The following CCDC148 variants were observed in gnomAD, a reference collection of about 807,000 sequenced individuals.
CCDC148 encodes the protein coiled-coil domain-containing protein 148.
In CCDC148, 89 loss-of-function variants were observed where a neutral mutation model predicts 85.7. That is an observed-to-expected ratio of 1.04 (90% CI 0.87 to 1.24). CCDC148 has a LOEUF of 1.24. CCDC148 is among the 50% of genes most tolerant of loss of function. The pLI is 0.00. For missense variants in CCDC148, 692 were observed against 671.7 expected (o/e 1.03, Z -0.33); for synonymous variants, 230 against 213.9 (o/e 1.08, Z -0.66).
intron 3 of CCDC148, among the ~76,000 whole-genome samples, chr2:158,342,242 C>G (rs977079626): frequency 1.2e-4 from 18 of 151,972 alleles, no homozygotes; most frequent in African/African-American, 4.3e-4. Flanking sequence ...GTTGGCTAGG[C>G]TAGTCTCAAA....
intron 11 of CCDC148, among the ~76,000 whole-genome samples, chr2:158,191,352 G>A (rs746346830): frequency 8.6e-5 from 13 of 151,860 alleles, no homozygotes; most frequent in Admixed American, 6.6e-5. Context: ...TGATTCAGCC[G>A]CCCACAGCAA....
intron 2 of CCDC148, among the ~76,000 whole-genome samples, chr2:158,350,667 T>A (rs968942034): frequency 6.6e-6 from 1 of 152,110 alleles, no homozygotes; most frequent in African/African-American, 2.4e-5. Flanking sequence ...TATCTAAAAA[T>A]TGGGGTGGGA....
intron 10 of CCDC148, among the ~76,000 whole-genome samples, chr2:158,249,355 G>A (rs1521865): frequency 0.33 from 50,546 of 151,886 alleles, 10,052 homozygotes; most frequent in South Asian, 0.59. Context: ...GTAAATAATT[G>A]GTAAGTTCCC....
rs1684604378 is a variant in CCDC148, at chr2:158,176,669, T to G, written c.1489-8A>C. ...TTGAGCAACAACAGCAACCTAAAAA[T>G]GAGAAAGCATGGCTACTTGGAACAA... is the stretch of plus-strand genomic sequence containing the variant. On this transcript the variant is annotated splice_polypyrimidine_tract_variant and splice_region_variant and intron_variant, in intron 12 of 13. Coordinates refer to ENST00000283233, the MANE Select transcript of CCDC148 (RefSeq NM_138803.4). 1 of 1,611,140 alleles carries G rather than the reference T, an allele frequency of 6.2e-7. No homozygotes were observed. The highest frequency in any genetic ancestry group is 1.1e-5 in the South Asian group (1 of 90,924).
At chr2:158,245,317 T>C (rs1395582990) in intron 10 of CCDC148, among the ~76,000 whole-genome samples, 1 of 152,178 alleles carries the variant, frequency 6.6e-6, no homozygotes, top group East Asian at 1.9e-4. Flanking sequence ...AAGCCATGTC[T>C]TTTGGTATTT....
intron 1 of CCDC148, among the ~76,000 whole-genome samples, chr2:158,367,528 C>T (rs1438594444): frequency 1.3e-5 from 2 of 152,154 alleles, no homozygotes; most frequent in African/African-American, 4.8e-5. Context: ...CTTTTGGCTA[C>T]CTTGGTCTAA....
At position 158,338,733 on chromosome 2, in the gene CCDC148, T is replaced by G. The variant is rs927634236; in HGVS notation, c.757A>C (p.Ile253Leu). Residue 253 changes from isoleucine (I) to leucine (L), a missense_variant, in exon 7 of 14, where the codon ATA (isoleucine) becomes CTA (leucine). Ile to Leu is a conservative substitution (Grantham distance 5, BLOSUM62 2). Coordinates refer to ENST00000283233, the MANE Select transcript of CCDC148 (RefSeq NM_138803.4). ...TCAGTTTTATCTTATCACCTGTATA[T>G]GTCTTCCAACTGCAGATTAAAGTCT... ...LQDFNLQLED[I>L]YRNCQLSEED... is the part of the protein sequence containing the mutation. The G allele has an allele frequency of 2.6e-5, 42 of 1,603,754 alleles. No homozygotes were observed. Among genetic ancestry groups the G allele is most frequent in the Non-Finnish European group, 3.5e-5 (41 of 1,177,164 alleles).
chr2:158,230,725 C>G (rs2105312476), intron 10 of CCDC148, among the ~76,000 whole-genome samples: 1 of 152,258 alleles, frequency 6.6e-6, no homozygotes, highest in African/African-American at 2.4e-5. Context: ...AGCTAAGGAA[C>G]AACAGGGAGA....
At chr2:158,277,293 A>G (rs2105169281) in intron 9 of CCDC148, among the ~76,000 whole-genome samples, 1 of 152,312 alleles carries the variant, frequency 6.6e-6, no homozygotes, top group South Asian at 2.1e-4. Flanking sequence ...TGGCTATTTC[A>G]TGCAAAAAGT....
At chr2:158,319,599 G>A (rs1455059199) in intron 7 of CCDC148, among the ~76,000 whole-genome samples, 1 of 152,176 alleles carries the variant, frequency 6.6e-6, no homozygotes, top group Non-Finnish European at 1.5e-5. Context: ...TCTACCTCTA[G>A]ACTTCTTGTT....
At chr2:158,331,161 C>T (rs969969856) in intron 7 of CCDC148, among the ~76,000 whole-genome samples, 1 of 152,152 alleles carries the variant, frequency 6.6e-6, no homozygotes, top group Non-Finnish European at 1.5e-5. Context: ...TATAAATTTT[C>T]CTCTACACAC....
At chr2:158,222,872 C>A (rs1687262951) in intron 10 of CCDC148, among the ~76,000 whole-genome samples, 1 of 152,174 alleles carries the variant, frequency 6.6e-6, no homozygotes. Context: ...CAGCTCCAGT[C>A]TACAGCTCCC....
intron 1 of CCDC148, among the ~76,000 whole-genome samples, chr2:158,377,006 C>CG (rs1426820589): frequency 6.6e-6 from 1 of 151,922 alleles, no homozygotes; most frequent in African/African-American, 2.4e-5. Context: ...ATGGGGAGTG[C>CG]TCATAAGTCA....
intron 2 of CCDC148, among the ~76,000 whole-genome samples, chr2:158,348,659 G>A (rs1683114008): frequency 6.6e-6 from 1 of 151,918 alleles, no homozygotes; most frequent in African/African-American, 2.4e-5. Context: ...TATGATGTCT[G>A]TGATTTGCTT....
intron 1 of CCDC148, chr2:158,366,151 T>C (rs1684194493): frequency 8.7e-7 from 1 of 1,149,706 alleles, no homozygotes; most frequent in Non-Finnish European, 1.2e-6. Context: ...TTACTTGAAG[T>C]ATTTTTAAAA....
At chr2:158,178,796 G>A in intron 12 of CCDC148, 83 bp downstream of exon 12, 1 of 909,512 alleles carries the variant, frequency 1.1e-6, no homozygotes, top group Non-Finnish European at 1.8e-6. Context: ...CATGAACTAA[G>A]CCCCAGTAAG....
At chr2:158,245,098 T>C (rs1688515835) in intron 10 of CCDC148, among the ~76,000 whole-genome samples, 1 of 152,188 alleles carries the variant, frequency 6.6e-6, no homozygotes, top group Non-Finnish European at 1.5e-5. Flanking sequence ...GGGGAGGTAC[T>C]CTGAATTCTC....
At chr2:158,362,081 G>T (rs750673978) in intron 1 of CCDC148, among the ~76,000 whole-genome samples, 3 of 151,458 alleles carry the variant, frequency 2.0e-5, no homozygotes, top group African/African-American at 7.3e-5. Context: ...AAGAGACAAG[G>T]TCATTACATA....
chr2:158,288,949 T>A (rs905655106), intron 9 of CCDC148: 1 of 251,694 alleles, frequency 4.0e-6, no homozygotes, highest in Non-Finnish European at 7.8e-6. Context: ...AAGAGAAAAA[T>A]GAGGTGGAAG....
Sources: allele counts gnomAD v4.1 joint callset (sites outside exome capture counted in the v4.1 genomes callset), GRCh38; gene constraint gnomAD v4.1.1; transcripts MANE v1.5; gene names NCBI Gene and HGNC (gene_info 2026-07-23, HGNC 2026-07-21).